The following TANK variants were observed in gnomAD, a reference collection of about 807,000 sequenced individuals.
The protein encoded by TANK is TRAF family member-associated NF-kappa-B activator.
In TANK, 15 loss-of-function variants were observed where a neutral mutation model predicts 43.6. The ratio of observed to expected loss-of-function variants is 0.34; its 90% CI spans 0.23 to 0.53. The LOEUF (loss-of-function observed/expected upper bound fraction) is 0.53, where lower values mean the gene tolerates loss of function less well. Ranked by LOEUF, TANK falls within the 20% of genes least tolerant of loss-of-function variation. The probability of loss-of-function intolerance (pLI) is 0.94; values close to 1 mark genes in which losing one functional copy is unlikely to be tolerated. For synonymous variants in TANK, 162 were observed against 178.2 expected, an observed-to-expected ratio of 0.91 and a Z score of 0.73; for missense variants, 417 against 498.6, an observed-to-expected ratio of 0.84 and a Z score of 1.56.
At chr2:161,166,925 T>C (rs917439535) in intron 1 of TANK, among the ~76,000 whole-genome samples, 1 of 152,192 alleles carries the variant, frequency 6.6e-6, no homozygotes, top group Non-Finnish European at 1.5e-5. Flanking sequence ...GCCCAAGGGG[T>C]TGGGAAAGGC....
At chr2:161,228,751 C>T (rs1574071510) in intron 6 of TANK, among the ~76,000 whole-genome samples, 2 of 152,178 alleles carry the variant, frequency 1.3e-5, no homozygotes, top group South Asian at 2.1e-4. Context: ...ATTCCATTCA[C>T]GGTAAGTGCT....
intron 6 of TANK, among the ~76,000 whole-genome samples, chr2:161,229,113 C>A (rs1451111106): frequency 1.3e-5 from 2 of 152,156 alleles, no homozygotes; most frequent in Non-Finnish European, 2.9e-5. Flanking sequence ...AACTTATGTC[C>A]AAGCCAAGAT....
intron 7 of TANK, among the ~76,000 whole-genome samples, chr2:161,234,667 G>A (rs1688089733): frequency 6.6e-6 from 1 of 152,174 alleles, no homozygotes; most frequent in South Asian, 2.1e-4. Context: ...ACAAGAATGA[G>A]TAAGGCCAAA....
Position 161,222,332 on chromosome 2 carries a change from A to G in TANK, c.328-1583A>G, listed in dbSNP as rs560480605. Among the ~76,000 whole-genome samples, 30 of 152,162 alleles carry G rather than the reference A, an allele frequency of 2.0e-4. No homozygotes were observed. In the South Asian group the frequency reaches 6.2e-3, roughly 32 times the overall value. ...CAGTGGTACAATCTTGGCTCACTAT[A>G]AGGAGGTCATTCCATTTAATATATA... On this transcript the variant is annotated intron_variant, in intron 4 of 7. Transcript: ENST00000392749.
chr2:161,212,434 C>G, intron 4 of TANK: 1 of 983,668 alleles, frequency 1.0e-6, no homozygotes, highest in Non-Finnish European at 1.2e-6. Context: ...TTTTCTATTG[C>G]AGAAACTGTG....
intron 5 of TANK, 45 bp from the exon 6 acceptor site, chr2:161,224,585 TG>T: frequency 1.1e-6 from 1 of 883,738 alleles, no homozygotes; most frequent in Non-Finnish European, 1.7e-6. Context: ...TTAAAAAACT[TG>T]GAAGTTATAG....
intron 1 of TANK, among the ~76,000 whole-genome samples, chr2:161,154,650 CTGAT>C (rs1684173778): frequency 6.6e-6 from 1 of 152,030 alleles, no homozygotes; most frequent in Non-Finnish European, 1.5e-5. Context: ...GATTGGGTGA[CTGAT>C]TGAATGTTGG....
intron 2 of TANK, among the ~76,000 whole-genome samples, chr2:161,202,255 T>G (rs1002065915): frequency 6.7e-6 from 1 of 149,160 alleles, no homozygotes; most frequent in Non-Finnish European, 1.5e-5. Flanking sequence ...AGTGGTGTGA[T>G]CTTGGCTCAC....
chr2:161,216,461 T>G (rs1311230237), intron 4 of TANK: 1 of 459,756 alleles, frequency 2.2e-6, no homozygotes, highest in East Asian at 7.2e-5. Flanking sequence ...AAAGTGATAA[T>G]TTTTTGATAA....
At chr2:161,222,514 T>G (rs1687398998) in intron 4 of TANK, among the ~76,000 whole-genome samples, 1 of 152,158 alleles carries the variant, frequency 6.6e-6, no homozygotes, top group Non-Finnish European at 1.5e-5. Flanking sequence ...TGGCTAGCTT[T>G]AAAATGTTGC....
chr2:161,165,006 G>C (rs138696877), intron 1 of TANK, among the ~76,000 whole-genome samples: 2 of 146,470 alleles, frequency 1.4e-5, no homozygotes, highest in Non-Finnish European at 3.0e-5. Flanking sequence ...TTGAGTACTA[G>C]TGATCTATAA....
chr2:161,202,723 G>A, intron 2 of TANK: 1 of 258,318 alleles, frequency 3.9e-6, no homozygotes. Context: ...AGAGTTCTCT[G>A]CTATTGTTTG....
At position 161,161,486 on chromosome 2, in the gene TANK, T is replaced by C. The variant is rs1036941664; in HGVS notation, c.-50+1000T>C. 4 of 1,535,252 alleles carry C rather than the reference T, an allele frequency of 2.6e-6. No homozygotes were observed. In the Admixed American group the frequency reaches 6.0e-5, roughly 23 times the overall value. ...ATTTGAGAGAGGAGGGATCCTCAAATAATACAACTATGTGCAAAGCAGGAA... is the reference window on the plus strand; with the variant it reads ...ATTTGAGAGAGGAGGGATCCTCAAACAATACAACTATGTGCAAAGCAGGAA... On this transcript the variant is annotated intron_variant, in intron 1 of 7. Transcript: ENST00000392749.
At chr2:161,158,537 A>C (rs1684284211), upstream of TANK, among the ~76,000 whole-genome samples, 2 of 152,224 alleles carry the variant, frequency 1.3e-5, no homozygotes, top group South Asian at 4.1e-4. Context: ...GCATTTAAGA[A>C]ATGTGTATAT....
intron 1 of TANK, among the ~76,000 whole-genome samples, chr2:161,167,154 A>G (rs552173432): frequency 6.6e-6 from 1 of 152,334 alleles, no homozygotes; most frequent in African/African-American, 2.4e-5. Context: ...TGTCTCAACC[A>G]CCTACAAAAA....
At chr2:161,233,034 T>G in intron 7 of TANK, 1 of 603,982 alleles carries the variant, frequency 1.7e-6, no homozygotes, top group East Asian at 3.2e-5. Flanking sequence ...TTATTAGTAT[T>G]AATAAAGCTA....
upstream of TANK, among the ~76,000 whole-genome samples, chr2:161,157,353 A>C (rs191963759): frequency 1.3e-5 from 2 of 152,338 alleles, no homozygotes; most frequent in Non-Finnish European, 2.9e-5. Context: ...AGGCTGAAGG[A>C]GGCAAGGCTT....
At chr2:161,180,084 C>T (rs1685353579) in intron 2 of TANK, 1 of 1,020,316 alleles carries the variant, frequency 9.8e-7, no homozygotes, top group Non-Finnish European at 1.2e-6. Flanking sequence ...TTTTATGACA[C>T]AGAAGTATCA....
At chr2:161,176,276 A>G (rs899725362) in intron 1 of TANK, among the ~76,000 whole-genome samples, 3 of 152,204 alleles carry the variant, frequency 2.0e-5, no homozygotes, top group African/African-American at 7.2e-5. Flanking sequence ...AAATCTGTCC[A>G]GTTTAATTAG....
Sources: allele counts gnomAD v4.1 joint callset (sites outside exome capture counted in the v4.1 genomes callset), GRCh38; gene constraint gnomAD v4.1.1; transcripts MANE v1.5; gene names NCBI Gene and HGNC (gene_info 2026-07-23, HGNC 2026-07-21).